The following ST7 variants were observed in gnomAD, a reference collection of about 807,000 sequenced individuals.
ST7 encodes the protein suppressor of tumorigenicity 7 protein.
ST7 carries 28 observed loss-of-function variants against 78.7 expected under a neutral mutation model. That is an observed-to-expected ratio of 0.36 (90% CI 0.26 to 0.49). ST7 has a LOEUF of 0.49. Among genes scored for constraint, ST7 ranks in the 20% least tolerant of loss-of-function variants. The pLI, the probability that ST7 is intolerant of heterozygous loss-of-function variation, is 0.99. For synonymous variants in ST7, 247 were observed against 249.6 expected (o/e 0.99, Z 0.10); for missense variants, 418 against 696.0 (o/e 0.60, Z 4.49).
At chr7:117,186,183 A>AT in intron 10 of ST7, among the ~76,000 whole-genome samples, 1 of 152,080 alleles carries the variant, frequency 6.6e-6, no homozygotes, top group East Asian at 1.9e-4. Flanking sequence ...TCGGTGTATG[A>AT]TTTTTTTCTT....
chr7:117,008,732 C>T (rs555141116), intron 1 of ST7, among the ~76,000 whole-genome samples: 4 of 152,266 alleles, frequency 2.6e-5, no homozygotes, highest in Admixed American at 1.3e-4. Flanking sequence ...CCATTATCTT[C>T]GTGAGTCTTG....
intron 1 of ST7, among the ~76,000 whole-genome samples, chr7:117,002,848 G>A (rs1226501057): frequency 1.4e-5 from 1 of 72,406 alleles, no homozygotes; most frequent in East Asian, 4.9e-4. Flanking sequence ...TTGAGATGGA[G>A]TTTTTGCTCT....
At chr7:117,046,381 ACCTCTGCAAAGTGTTTTC>A (rs1797494875) in intron 1 of ST7, among the ~76,000 whole-genome samples, 1 of 152,008 alleles carries the variant, frequency 6.6e-6, no homozygotes, top group South Asian at 2.1e-4. Context: ...GCAGTTTCAC[ACCTCTGCAAAGTGTTTTC>A]CCTCTAACTG....
At chr7:117,220,700 G>C (rs1390732949) in intron 14 of ST7, among the ~76,000 whole-genome samples, 1 of 152,136 alleles carries the variant, frequency 6.6e-6, no homozygotes, top group African/African-American at 2.4e-5. Flanking sequence ...TTAAGGGTGA[G>C]GATATGAAGA....
intron 12 of ST7, among the ~76,000 whole-genome samples, chr7:117,203,249 A>G (rs1168053391): frequency 1.3e-5 from 2 of 152,214 alleles, no homozygotes; most frequent in Non-Finnish European, 2.9e-5. Flanking sequence ...GTTCAAATGC[A>G]GGTTTTGCCA....
At chr7:117,158,844 C>G (rs1380924117) in intron 9 of ST7, among the ~76,000 whole-genome samples, 2 of 152,086 alleles carry the variant, frequency 1.3e-5, no homozygotes, top group African/African-American at 4.8e-5. Context: ...TCTATTTATG[C>G]CTTTATTTGA....
At chr7:117,156,443 C>T (rs1806693340) in intron 9 of ST7, among the ~76,000 whole-genome samples, 1 of 152,106 alleles carries the variant, frequency 6.6e-6, no homozygotes, top group African/African-American at 2.4e-5. Context: ...GTGCTTGTGT[C>T]ATGTAGAGTT....
chr7:116,993,149 C>T (rs996872454), intron 1 of ST7, among the ~76,000 whole-genome samples: 5 of 152,186 alleles, frequency 3.3e-5, no homozygotes, highest in South Asian at 2.1e-4. Flanking sequence ...TACCCAGTTC[C>T]GAAGTCACTT....
intron 1 of ST7, among the ~76,000 whole-genome samples, chr7:116,973,534 G>A (rs151001470): frequency 6.6e-6 from 1 of 152,290 alleles, no homozygotes; most frequent in Non-Finnish European, 1.5e-5. Context: ...TGGGATTACA[G>A]GTGTGAGCAC....
intron 12 of ST7, among the ~76,000 whole-genome samples, chr7:117,196,435 T>C (rs1810311307): frequency 6.6e-6 from 1 of 152,194 alleles, no homozygotes; most frequent in Non-Finnish European, 1.5e-5. Context: ...CCAACCCTTG[T>C]TATTTTGTTG....
intron 1 of ST7, among the ~76,000 whole-genome samples, chr7:116,965,077 C>T (rs1272256564): frequency 6.6e-6 from 1 of 152,076 alleles, no homozygotes; most frequent in African/African-American, 2.4e-5. Context: ...CGGTGGCTCA[C>T]GCCTGTAATC....
rs369336459 is a variant in ST7, at chr7:117,130,445, C to G, written c.450-46C>G. On this transcript the variant is annotated intron_variant, in intron 4 of 15. Coordinates refer to ENST00000323984, the MANE Select transcript of ST7 (RefSeq NM_001369598.1). ...GCAGCTTAATATTTTATAGGTCTTG[C>G]TTTTCTCTCTCAAAAGTGTCTAATC... The G allele has an allele frequency of 4.9e-6, 7 of 1,421,100 alleles. No individual in the cohort carries two copies. In the African/African-American group the frequency reaches 5.7e-5, roughly 12 times the overall value. The allele number at this position is 1,421,100 out of a possible 1,614,324, so 88.0% of individuals were successfully genotyped here.
At chr7:117,083,380 C>G (rs1246534744) in intron 1 of ST7, among the ~76,000 whole-genome samples, 2 of 152,078 alleles carry the variant, frequency 1.3e-5, no homozygotes, top group African/African-American at 4.8e-5. Flanking sequence ...CTCAACCTCC[C>G]GAGTAGTTGG....
chr7:116,974,345 T>C (rs1255365596), intron 1 of ST7, among the ~76,000 whole-genome samples: 1 of 151,880 alleles, frequency 6.6e-6, no homozygotes, highest in East Asian at 1.9e-4. Flanking sequence ...TGGAGTGCAG[T>C]GGCGTGATCT....
rs148363452 is a variant in ST7 at position 117,129,168 on chromosome 7, A to G, written c.395-625A>G. ...GATGTGCTAACATGATGATATTAGT[A>G]TGATGATTAGTATATGTATCTGTGC... On this transcript the variant is annotated intron_variant, in intron 3 of 15. Coordinates refer to ENST00000323984, the MANE Select transcript of ST7 (RefSeq NM_001369598.1). 2.0e-3 allele frequency among the ~76,000 whole-genome samples: 301 copies of G among 152,008 alleles called. 1 individual carries two copies. The highest frequency in any genetic ancestry group is 6.1e-3 in the African/African-American group (255 of 41,532).
chr7:117,032,074 G>T (rs1471427731), intron 1 of ST7, among the ~76,000 whole-genome samples: 1 of 151,566 alleles, frequency 6.6e-6, no homozygotes, highest in Non-Finnish European at 1.5e-5. Flanking sequence ...TAGAGATGAG[G>T]TTTAGCCATG....
chr7:117,050,860 G>T (rs1306918617), intron 1 of ST7, among the ~76,000 whole-genome samples: 1 of 151,884 alleles, frequency 6.6e-6, no homozygotes, highest in Non-Finnish European at 1.5e-5. Context: ...GACCCAGGAG[G>T]CGGAAGTTGC....
chr7:117,213,397 T>G (rs950444458), intron 13 of ST7, among the ~76,000 whole-genome samples: 1 of 152,222 alleles, frequency 6.6e-6, no homozygotes, highest in African/African-American at 2.4e-5. Flanking sequence ...AAATTTATTT[T>G]GGGAGATTTA....
At position 117,021,363 on chromosome 7, in the gene ST7, C is replaced by T. The variant is rs565380933; in HGVS notation, c.151+67672C>T. 8.5e-5 allele frequency among the ~76,000 whole-genome samples: 13 copies of T among 152,262 alleles called. No individual in the cohort carries two copies. The South Asian group carries it at 1.5e-3, about 17-fold the overall frequency. On this transcript the variant is annotated intron_variant, in intron 1 of 15. Transcript: ENST00000323984. ...ATTTAATGTTGATATAGAAATATAA[C>T]GTCAATGCAGTTGTACAGGCTCTGC...
Sources: gnomAD v4.1 joint callset for allele counts (sites outside exome capture counted in the v4.1 genomes callset) on GRCh38, gnomAD v4.1.1 for gene constraint, MANE v1.5 for transcripts, NCBI Gene and HGNC (gene_info 2026-07-23, HGNC 2026-07-21) for gene names.